KIAA0513: variants seen among roughly 807,000 people sequenced by gnomAD.
KIAA0513 encodes KIAA0513.
KIAA0513 carries 39 observed loss-of-function variants against 56.5 expected under a neutral mutation model. That is an observed-to-expected ratio of 0.69 (90% CI 0.53 to 0.90). The LOEUF is 0.90. Ranked by LOEUF, KIAA0513 falls within the 40% of genes least tolerant of loss-of-function variation. The pLI is 0.00. For synonymous variants in KIAA0513, 268 were observed against 215.6 expected, an observed-to-expected ratio of 1.24 and a Z score of -2.13; for missense variants, 591 against 535.2, an observed-to-expected ratio of 1.10 and a Z score of -1.03.
At chr16:85,057,029 C>T (rs1259692324) in intron 1 of KIAA0513, among the ~76,000 whole-genome samples, 1 of 152,202 alleles carries the variant, frequency 6.6e-6, no homozygotes, top group African/African-American at 2.4e-5. Context: ...ATTTTTCCTA[C>T]TGGGTGTACA....
At chr16:85,032,089 A>G (rs1163362152) in intron 1 of KIAA0513, among the ~76,000 whole-genome samples, 2 of 152,212 alleles carry the variant, frequency 1.3e-5, no homozygotes, top group Non-Finnish European at 2.9e-5. Context: ...AGGTGTCGAC[A>G]GGGCTGGTTC....
intron 9 of KIAA0513, among the ~76,000 whole-genome samples, chr16:85,082,216 C>T (rs55847594): frequency 0.29 from 44,256 of 152,054 alleles, 6,561 homozygotes; most frequent in Middle Eastern, 0.35. Flanking sequence ...CTAAAACCCT[C>T]TGGGGGCAGG....
rs1277201982 is a variant in KIAA0513, at chr16:85,092,192, C to T, written c.*3867C>T. The T allele has an allele frequency of 6.6e-6, 1 of 152,218 alleles. No individual in the cohort carries two copies. The highest frequency in any genetic ancestry group is 2.4e-5 in the African/African-American group (1 of 41,400). The allele number at this position is 152,218 out of a possible 1,614,324, so 9.4% of individuals were successfully genotyped here. ...TCCTGACCTCAGGTGATCCCCCCCA[C>T]CTCAGCCTCCCAAAGTGCTGGGATT... On this transcript the variant is annotated 3_prime_UTR_variant, in exon 13 of 13. Transcript: ENST00000683363.
At chr16:85,051,320 C>T (rs2073249550) in intron 1 of KIAA0513, among the ~76,000 whole-genome samples, 1 of 152,040 alleles carries the variant, frequency 6.6e-6, no homozygotes, top group African/African-American at 2.4e-5. Flanking sequence ...TTTCCTCTTC[C>T]CGGAGGTCAT....
chr16:85,042,450 A>T (rs1476987450), intron 1 of KIAA0513, among the ~76,000 whole-genome samples: 1 of 152,154 alleles, frequency 6.6e-6, no homozygotes, highest in Non-Finnish European at 1.5e-5. Context: ...GTCCTTGTCC[A>T]TACCCGCAAT....
In KIAA0513 at chr16:85,076,339, A is replaced by G. The variant is rs1189309497; in HGVS notation, c.574+425A>G. 6.6e-6 allele frequency among the ~76,000 whole-genome samples: 1 copy of G among 152,200 alleles called. No individual in the cohort carries two copies. The highest frequency in any genetic ancestry group is 1.5e-5 in the Non-Finnish European group (1 of 68,024). On this transcript the variant is annotated intron_variant, in intron 5 of 12. Transcript: ENST00000683363. This position sits in a 1 kb window ranked among gnomAD's most constrained non-coding sequence, Gnocchi z 4.7. ...CAGCGTAGGATCTGAAGCTGCAGAG[A>G]GTTCCCAGGGATGGGCTGGAGATGG...
At chr16:85,082,713 G>A (rs948040422) in intron 10 of KIAA0513, 120 bp downstream of exon 10, 73 of 1,062,624 alleles carry the variant, frequency 6.9e-5, no homozygotes, top group Non-Finnish European at 9.5e-5. Context: ...AGACGCAGGT[G>A]CAGCCTGGTG....
At chr16:85,036,346 A>G (rs538631674) in intron 1 of KIAA0513, among the ~76,000 whole-genome samples, 11 of 152,192 alleles carry the variant, frequency 7.2e-5, no homozygotes, top group African/African-American at 2.4e-4. Context: ...CTGCCTCCCA[A>G]ACTGGCCTCT....
rs1239395405 is a variant in KIAA0513, at chr16:85,091,271, G to A, written c.*2946G>A. ...ACAGGACATGTTGACAGGCAGCATG[G>A]TATGTTTTTAGCCTTTGTTACAGTT... On this transcript the variant is annotated 3_prime_UTR_variant, in exon 13 of 13. Coordinates refer to ENST00000683363, the MANE Select transcript of KIAA0513 (RefSeq NM_001388359.1). 1 of 152,246 alleles carries A rather than the reference G, an allele frequency of 6.6e-6. No homozygotes were observed. The highest frequency in any genetic ancestry group is 2.4e-5 in the African/African-American group (1 of 41,460). 9.4% of individuals were successfully genotyped at this position (152,246 alleles called of 1,614,324 possible).
At chr16:85,059,933 T>G (rs111917087) in intron 1 of KIAA0513, among the ~76,000 whole-genome samples, 2 of 152,184 alleles carry the variant, frequency 1.3e-5, no homozygotes, top group African/African-American at 4.8e-5. Flanking sequence ...CAGATTCAAA[T>G]GATTTCCCAG....
chr16:85,079,184 C>G, intron 8 of KIAA0513, 181 bp downstream of exon 8: 1 of 1,332,010 alleles, frequency 7.5e-7, no homozygotes. Context: ...GAAACTGGAG[C>G]TCTCCTGTAT....
Position 85,081,428 on chromosome 16 carries a change from A to G in KIAA0513, c.980+36A>G. ...AGTGTGGCCCCATTTGGCCTCAGGA[A>G]AAAGGACCAGGGAGTGGCTTTATTT... is the stretch of plus-strand genomic sequence containing the variant. On this transcript the variant is annotated intron_variant, in intron 9 of 12. Transcript: ENST00000683363. The surrounding 1 kb of genome is among the most constrained non-coding windows in gnomAD (Gnocchi z 4.4). The G allele has an allele frequency of 1.3e-6, 2 of 1,522,788 alleles. No homozygotes were observed. Among genetic ancestry groups the G allele is most frequent in the Non-Finnish European group, 1.8e-6 (2 of 1,120,320 alleles). 94.3% of individuals were successfully genotyped at this position (1,522,788 alleles called of 1,614,324 possible). A position where few individuals can be genotyped will look rare whatever the true frequency, so the allele number is the denominator to read the frequency against.
In KIAA0513 at chr16:85,092,392, A is replaced by G. The variant is rs1282449352; in HGVS notation, c.*4067A>G. 1.3e-5 allele frequency: 2 copies of G among 152,166 alleles called. No homozygotes were observed. Among genetic ancestry groups the G allele is most frequent in the Non-Finnish European group, 2.9e-5 (2 of 68,064 alleles). The allele number at this position is 152,166 out of a possible 1,614,324, so 9.4% of individuals were successfully genotyped here. A position where few individuals can be genotyped will look rare whatever the true frequency, so the allele number is the denominator to read the frequency against. Reference sequence around the variant, plus strand: ...TGTGGAGCTTGAGAAAGAGAACTTTAAAAATTAGAGGGTCCCTTTCTGCAG... The same window carrying G: ...TGTGGAGCTTGAGAAAGAGAACTTTGAAAATTAGAGGGTCCCTTTCTGCAG... On this transcript the variant is annotated 3_prime_UTR_variant, in exon 13 of 13. Transcript: ENST00000683363.
chr16:85,064,445 G>C (rs1214165388), intron 1 of KIAA0513, among the ~76,000 whole-genome samples: 2 of 152,128 alleles, frequency 1.3e-5, no homozygotes, highest in African/African-American at 2.4e-5. Flanking sequence ...CCAAGCATTT[G>C]AATTCCTGAA....
chr16:85,082,647 G>C (rs545423570), intron 10 of KIAA0513, 54 bp downstream of exon 10: 2 of 1,572,638 alleles, frequency 1.3e-6, no homozygotes, highest in South Asian at 1.1e-5. Flanking sequence ...TCCTGCGAAG[G>C]CCACTGCAGG....
At chr16:85,032,421 C>G (rs1006747750) in intron 1 of KIAA0513, among the ~76,000 whole-genome samples, 2 of 152,256 alleles carry the variant, frequency 1.3e-5, no homozygotes, top group African/African-American at 2.4e-5. Flanking sequence ...CAACCACTGC[C>G]TCCCAAGTTA....
chr16:85,036,633 G>C (rs1249522447), intron 1 of KIAA0513, among the ~76,000 whole-genome samples: 1 of 152,166 alleles, frequency 6.6e-6, no homozygotes, highest in Non-Finnish European at 1.5e-5. Context: ...GCAGGCAGTA[G>C]CCCTACTGGG....
At chr16:85,061,967 G>C (rs995606070) in intron 1 of KIAA0513, among the ~76,000 whole-genome samples, 7 of 152,104 alleles carry the variant, frequency 4.6e-5, no homozygotes, top group African/African-American at 1.7e-4. Flanking sequence ...CTTAGGGCCT[G>C]CATGCTTCAT....
chr16:85,031,479 A>G (rs7499978), intron 1 of KIAA0513, among the ~76,000 whole-genome samples: 59,033 of 151,976 alleles, frequency 0.39, 11,973 homozygotes, highest in Admixed American at 0.51. Context: ...GACCGTGATT[A>G]TGCGAGAGTG....
Sources: gnomAD v4.1 joint callset for allele counts (sites outside exome capture counted in the v4.1 genomes callset) on GRCh38, gnomAD v4.1.1 for gene constraint, Gnocchi (gnomAD v3.1) non-coding constraint, MANE v1.5 for transcripts, NCBI Gene and HGNC (gene_info 2026-07-23, HGNC 2026-07-21) for gene names.